The following EPHA6 variants were observed in gnomAD, a reference collection of about 807,000 sequenced individuals.
The protein encoded by EPHA6 is ephrin type-A receptor 6.
Under a neutral mutation model 112.0 loss-of-function variants are expected in EPHA6, and 50 were observed. The observed-to-expected ratio is 0.45, with a 90% confidence interval of 0.36 to 0.56. The LOEUF (loss-of-function observed/expected upper bound fraction) is 0.56, where lower values mean the gene tolerates loss of function less well. Ranked by LOEUF, EPHA6 falls within the 20% of genes least tolerant of loss-of-function variation. The pLI is 0.00. For synonymous variants in EPHA6, 529 were observed against 490.7 expected, an observed-to-expected ratio of 1.08 and a Z score of -1.03; for missense variants, 1,280 against 1,417.4, an observed-to-expected ratio of 0.90 and a Z score of 1.56.
intron 10 of EPHA6, among the ~76,000 whole-genome samples, chr3:97,514,039 C>T (rs536930165): frequency 6.6e-6 from 1 of 152,198 alleles, no homozygotes; most frequent in African/African-American, 2.4e-5. Context: ...TACTCTGCAC[C>T]AAGACCTATG....
intron 4 of EPHA6, among the ~76,000 whole-genome samples, chr3:97,227,717 G>A (rs780662442): frequency 1.4e-4 from 22 of 151,982 alleles, no homozygotes; most frequent in Non-Finnish European, 2.6e-4. Flanking sequence ...ATGCACATGG[G>A]CAATTGAGCT....
chr3:97,599,214 G>C (rs2093622044), intron 12 of EPHA6, among the ~76,000 whole-genome samples: 1 of 149,996 alleles, frequency 6.7e-6, no homozygotes, highest in South Asian at 2.1e-4. Context: ...CATTTTGTAG[G>C]TTGCCTGTTC....
chr3:97,531,499 T>C (rs2092694621), intron 10 of EPHA6, among the ~76,000 whole-genome samples: 1 of 151,990 alleles, frequency 6.6e-6, no homozygotes, highest in East Asian at 1.9e-4. Context: ...ATCCTGCTCA[T>C]CTCTCAAGGT....
intron 11 of EPHA6, among the ~76,000 whole-genome samples, chr3:97,562,392 G>T (rs1211725528): frequency 6.6e-6 from 1 of 152,112 alleles, no homozygotes; most frequent in Non-Finnish European, 1.5e-5. Context: ...CAGCTCTCAT[G>T]GATGCTTTTG....
At chr3:97,681,318 G>C (rs2031844328) in intron 14 of EPHA6, among the ~76,000 whole-genome samples, 1 of 152,054 alleles carries the variant, frequency 6.6e-6, no homozygotes, top group African/African-American at 2.4e-5. Flanking sequence ...ACACCTGGCA[G>C]TATCTCAAAT....
intron 3 of EPHA6, among the ~76,000 whole-genome samples, chr3:97,053,404 A>G (rs1346203263): frequency 2.0e-5 from 3 of 152,156 alleles, no homozygotes; most frequent in African/African-American, 7.2e-5. Context: ...TAGATGACCC[A>G]GAATTGGAAA....
intron 1 of EPHA6, among the ~76,000 whole-genome samples, chr3:96,847,314 T>C (rs1347621144): frequency 6.6e-6 from 1 of 152,084 alleles, no homozygotes; most frequent in Non-Finnish European, 1.5e-5. Flanking sequence ...CTTACATTTC[T>C]CAGCCCTGCT....
chr3:96,963,109 C>A (rs926839765), intron 2 of EPHA6, among the ~76,000 whole-genome samples: 1 of 145,852 alleles, frequency 6.9e-6, no homozygotes, highest in South Asian at 2.2e-4. Context: ...TTGCAGTGAG[C>A]TGTGATAGTG....
At chr3:97,748,359 A>G (rs958320301) in intron 17 of EPHA6, among the ~76,000 whole-genome samples, 11 of 152,254 alleles carry the variant, frequency 7.2e-5, no homozygotes, top group African/African-American at 2.6e-4. Context: ...GGATCCAGAG[A>G]AAAGGAAAAA....
chr3:97,241,533 C>T (rs2078845009), intron 4 of EPHA6, among the ~76,000 whole-genome samples: 1 of 151,676 alleles, frequency 6.6e-6, no homozygotes, highest in Non-Finnish European at 1.5e-5. Flanking sequence ...TTCATAAAAG[C>T]CCAGTGACAC....
At chr3:97,155,044 A>G (rs2076258015) in intron 3 of EPHA6, among the ~76,000 whole-genome samples, 1 of 152,184 alleles carries the variant, frequency 6.6e-6, no homozygotes, top group Non-Finnish European at 1.5e-5. Flanking sequence ...AACACTTTGA[A>G]GCTTCTATAT....
chr3:97,494,579 C>G lies in EPHA6; in HGVS notation c.2200+10520C>G, dbSNP rs559626521. 2.6e-5 allele frequency among the ~76,000 whole-genome samples: 4 copies of G among 152,226 alleles called. No individual in the cohort carries two copies. In the East Asian group the frequency reaches 5.8e-4, roughly 22 times the overall value. ...AGAAGAAAATGAGATAAAGTAGATTCTATCTGACCATCCAGCATTTATCAG... is the reference window on the plus strand; with the variant it reads ...AGAAGAAAATGAGATAAAGTAGATTGTATCTGACCATCCAGCATTTATCAG... On this transcript the variant is annotated intron_variant, in intron 10 of 17. Coordinates refer to ENST00000389672, the MANE Select transcript of EPHA6 (RefSeq NM_001080448.3).
At position 97,752,045 on chromosome 3, in the gene EPHA6, G is replaced by A. The variant is rs1039646966; in HGVS notation, c.*3344G>A. On this transcript the variant is annotated 3_prime_UTR_variant, in exon 18 of 18. Coordinates refer to ENST00000389672, the MANE Select transcript of EPHA6 (RefSeq NM_001080448.3). ...TTGCAAAATTTTGGTGGTTTAACAC[G>A]AATCAAGAATTATAGCACTTTTGCA... 4.0e-5 allele frequency: 9 copies of A among 223,028 alleles called. No homozygotes were observed. The highest frequency in any genetic ancestry group is 3.7e-4 in the South Asian group (2 of 5,444). The allele number at this position is 223,028 out of a possible 1,614,324, so 13.8% of individuals were successfully genotyped here.
intron 2 of EPHA6, among the ~76,000 whole-genome samples, chr3:96,941,381 T>C (rs1446576449): frequency 2.6e-5 from 4 of 152,216 alleles, no homozygotes; most frequent in African/African-American, 9.6e-5. Context: ...TTTCTTCCAG[T>C]TGATCGCATC....
At chr3:97,306,286 G>C (rs535834848) in intron 5 of EPHA6, among the ~76,000 whole-genome samples, 2 of 147,256 alleles carry the variant, frequency 1.4e-5, no homozygotes, top group South Asian at 4.2e-4. Context: ...AACTATGTCA[G>C]GGCCCTCTTT....
At position 97,226,521 on chromosome 3, in the gene EPHA6, C is replaced by A. The variant is rs1305642071; in HGVS notation, c.1270+102C>A. 7.5e-6 allele frequency: 8 copies of A among 1,062,160 alleles called. No homozygotes were observed. In the Admixed American group the frequency reaches 1.7e-4, roughly 22 times the overall value. The allele number at this position is 1,062,160 out of a possible 1,614,324, so 65.8% of individuals were successfully genotyped here. ...GTAAATGTACAAAATCTTGCATTAT[C>A]AATGCCATTTGTCTGTGATAACAGT... On this transcript the variant is annotated intron_variant, in intron 4 of 17. Transcript: ENST00000389672.
chr3:97,128,145 A>G (rs1237531348), intron 3 of EPHA6, among the ~76,000 whole-genome samples: 1 of 152,202 alleles, frequency 6.6e-6, no homozygotes, highest in Non-Finnish European at 1.5e-5. Flanking sequence ...TTCACTTAAA[A>G]TAATGCTCTC....
chr3:97,303,163 A>G (rs2081165861), intron 5 of EPHA6, among the ~76,000 whole-genome samples: 1 of 152,116 alleles, frequency 6.6e-6, no homozygotes, highest in East Asian at 1.9e-4. Flanking sequence ...TAAAAAGATA[A>G]TTTCAATGAT....
intron 4 of EPHA6, among the ~76,000 whole-genome samples, chr3:97,239,585 G>A (rs879921775): frequency 4.6e-5 from 7 of 151,904 alleles, no homozygotes; most frequent in East Asian, 1.9e-4. Flanking sequence ...TAAGAAAATC[G>A]TAAAGGAAGA....
Sources: gnomAD v4.1 joint callset for allele counts (sites outside exome capture counted in the v4.1 genomes callset) on GRCh38, gnomAD v4.1.1 for gene constraint, MANE v1.5 for transcripts, NCBI Gene and HGNC (gene_info 2026-07-23, HGNC 2026-07-21) for gene names.